The following AGL variants were observed in gnomAD, a reference collection of about 807,000 sequenced individuals.
AGL encodes amylo-alpha-1,6-glucosidase and 4-alpha-glucanotransferase, also known as glycogen debranching enzyme.
AGL carries 128 observed loss-of-function variants against 199.3 expected under a neutral mutation model. The observed-to-expected ratio is 0.64, with a 90% CI of 0.56 to 0.74. The LOEUF (loss-of-function observed/expected upper bound fraction) is 0.74. AGL is among the 30% of genes least tolerant of loss of function. AGL has a pLI of 0.00. For synonymous variants in AGL, 584 were observed against 594.7 expected, an observed-to-expected ratio of 0.98 and a Z score of 0.26; for missense variants, 1,809 against 1,820.8, an observed-to-expected ratio of 0.99 and a Z score of 0.12.
chr1:99,887,251 A>G (rs1652520658), intron 20 of AGL, among the ~76,000 whole-genome samples: 1 of 152,240 alleles, frequency 6.6e-6, no homozygotes, highest in Admixed American at 6.5e-5. Context: ...AAGCACAAGA[A>G]AATACAGTTT....
intron 24 of AGL, among the ~76,000 whole-genome samples, chr1:99,895,986 A>G (rs1161789231): frequency 6.6e-6 from 1 of 152,228 alleles, no homozygotes; most frequent in Admixed American, 6.5e-5. Flanking sequence ...AGAAAGAAGA[A>G]AAGTTTATCT....
intron 5 of AGL, among the ~76,000 whole-genome samples, chr1:99,869,464 C>T (rs1208002845): frequency 6.6e-6 from 1 of 152,168 alleles, no homozygotes. Context: ...ATTTCAGCAG[C>T]AGAGCAATGT....
chr1:99,901,595 G>T (rs1477926866), intron 26 of AGL, among the ~76,000 whole-genome samples: 1 of 152,072 alleles, frequency 6.6e-6, no homozygotes, highest in Non-Finnish European at 1.5e-5. Flanking sequence ...CCAGGTTATG[G>T]AGAGCCTTGA....
intron 13 of AGL, 56 bp from the exon 14 acceptor site, chr1:99,880,576 C>A: frequency 6.4e-7 from 1 of 1,561,054 alleles, no homozygotes; most frequent in Non-Finnish European, 8.8e-7. Flanking sequence ...AGAAATCTAA[C>A]CTCTTCCTGG....
At chr1:99,882,502 A>G (rs1652123720) in intron 17 of AGL, among the ~76,000 whole-genome samples, 1 of 152,202 alleles carries the variant, frequency 6.6e-6, no homozygotes, top group Non-Finnish European at 1.5e-5. Flanking sequence ...TCAGCCAAAT[A>G]GATATTTTTA....
chr1:99,884,326 A>G lies in AGL; in HGVS notation c.2434-13A>G. 1 of 1,612,238 alleles carries G rather than the reference A, an allele frequency of 6.2e-7. No individual in the cohort carries two copies. The highest frequency in any genetic ancestry group is 1.1e-5 in the South Asian group (1 of 91,036). On this transcript the variant is annotated splice_polypyrimidine_tract_variant and intron_variant, in intron 18 of 33. Transcript: ENST00000361915. ...TTTGTTGAATGGATTTTTTTAATGT[A>G]CTTTTTTTCAAGCTTAATGAAAGTA... is the stretch of plus-strand genomic sequence containing the variant.
rs138982211 is a variant in AGL, at chr1:99,855,867, T to C, written c.82+4743T>C. Among the ~76,000 whole-genome samples, 51 of 152,150 alleles carry C rather than the reference T, an allele frequency of 3.4e-4. No homozygotes were observed. The East Asian group carries it at 9.1e-3, about 27-fold the overall frequency. On this transcript the variant is annotated intron_variant, in intron 2 of 33. Coordinates refer to ENST00000361915, the MANE Select transcript of AGL (RefSeq NM_000642.3). ...ATCTGAAATTCTTCCATCTTTTAAGTAGGTTGATGAAATTTATAATTTTTA... is the reference window on the plus strand; with the variant it reads ...ATCTGAAATTCTTCCATCTTTTAAGCAGGTTGATGAAATTTATAATTTTTA...
chr1:99,891,266 G>C lies in AGL; in HGVS notation c.2859G>C (p.Gly953=), dbSNP rs749596632. 6.2e-7 allele frequency: 1 copy of C among 1,613,562 alleles called. No homozygotes were observed. Among genetic ancestry groups the C allele is most frequent in the Non-Finnish European group, 8.5e-7 (1 of 1,179,622 alleles). The change falls in exon 22 of 34, where the codon GGG becomes GGC. Residue 953 remains glycine, a synonymous_variant. Transcript: ENST00000361915. Reference sequence around the variant, plus strand: ...AAATAAGACCAAAGAATGACTTGGGGCATCCTTTTTGTAATAATTTGAGAT... The same window carrying C: ...AAATAAGACCAAAGAATGACTTGGGCCATCCTTTTTGTAATAATTTGAGAT... ...LAEIRPKNDL[G]HPFCNNLRSG... is the part of the protein sequence containing the mutation.
intron 25 of AGL, 144 bp from the exon 26 acceptor site, chr1:99,900,492 T>G (rs1557779715): frequency 5.3e-6 from 4 of 751,678 alleles, no homozygotes; most frequent in Non-Finnish European, 8.9e-6. Context: ...TATCATACTA[T>G]GACTACTTTC....
rs1394244632 is a variant in AGL, at chr1:99,891,359, A to G, written c.2949+3A>G. 1 of 1,613,540 alleles carries G rather than the reference A, an allele frequency of 6.2e-7. No individual in the cohort carries two copies. Among genetic ancestry groups the G allele is most frequent in the South Asian group, 1.1e-5 (1 of 91,064 alleles). On this transcript the variant is annotated splice_donor_region_variant and intron_variant, in intron 22 of 33. Coordinates refer to ENST00000361915, the MANE Select transcript of AGL (RefSeq NM_000642.3). The stretch of plus-strand genomic sequence containing the variant: ...CACGATCAGGAACTATTGCTGAAGT[A>G]AGTAGAGCTATATTATCGTCCCAAA...
chr1:99,874,499 G>A (rs891700077), intron 7 of AGL, 188 bp from the exon 8 acceptor site: 31 of 585,918 alleles, frequency 5.3e-5, no homozygotes, highest in Non-Finnish European at 7.5e-5. Context: ...GTGTGTTTGC[G>A]CGTGCACGCA....
At chr1:99,865,642 G>A (rs1487347067) in intron 5 of AGL, among the ~76,000 whole-genome samples, 5 of 152,166 alleles carry the variant, frequency 3.3e-5, no homozygotes, top group African/African-American at 1.2e-4. Context: ...ATGTTATCTT[G>A]TGTGTATGCT....
intron 25 of AGL, among the ~76,000 whole-genome samples, chr1:99,897,857 T>C (rs1419183259): frequency 6.6e-6 from 1 of 152,178 alleles, no homozygotes; most frequent in East Asian, 1.9e-4. Flanking sequence ...TAGAGTAATA[T>C]CTGCCACATG....
In AGL at chr1:99,892,602, C is replaced by G; in HGVS notation, c.3254C>G (p.Ala1085Gly). Reference sequence around the variant, plus strand: ...AAGGAGCAATGTTGTGTTTCTCTAGCTGCAGGTAAGGAATTATGTACAAGG... The same window carrying G: ...AAGGAGCAATGTTGTGTTTCTCTAGGTGCAGGTAAGGAATTATGTACAAGG... ...KEKEQCCVSL[A>G]AGLPHFSSGI... Residue 1085 changes from alanine (A) to glycine (G), a missense_variant, in exon 24 of 34, where the codon GCT becomes GGT. Coordinates refer to ENST00000361915, the MANE Select transcript of AGL (RefSeq NM_000642.3). The G allele has an allele frequency of 1.9e-5, 30 of 1,613,092 alleles. No homozygotes were observed. Among genetic ancestry groups the G allele is most frequent in the Non-Finnish European group, 2.5e-5 (30 of 1,179,386 alleles).
At chr1:99,851,214 A>G (rs1648925918) in intron 2 of AGL, 90 bp downstream of exon 2, 2 of 1,157,012 alleles carry the variant, frequency 1.7e-6, no homozygotes, top group South Asian at 1.2e-5. Flanking sequence ...AAGCTCTAAG[A>G]TAAATATTAT....
At chr1:99,851,478 G>C (rs1484789966) in intron 2 of AGL, among the ~76,000 whole-genome samples, 1 of 152,050 alleles carries the variant, frequency 6.6e-6, no homozygotes, top group Non-Finnish European at 1.5e-5. Flanking sequence ...ATTTTGCTTT[G>C]GGTATGCATG....
In AGL at chr1:99,884,609, C is replaced by T; in HGVS notation, c.2587C>T (p.Leu863Phe). The T allele has an allele frequency of 6.2e-7, 1 of 1,613,884 alleles. No homozygotes were observed. The highest frequency in any genetic ancestry group is 1.1e-5 in the South Asian group (1 of 91,068). Residue 863 changes from leucine (L) to phenylalanine (F), a missense_variant, in exon 20 of 34, where the codon CTT becomes TTT. Physicochemically the swap from Leu to Phe is conservative, Grantham distance 22 (BLOSUM62 0). Transcript: ENST00000361915. ...ACATGCACAAGTCGCTGTTGGAATT[C>T]TTCGAAATCATCTGACACAATTCAG... ...DPHAQVAVGI[L>F]RNHLTQFSPH...
In AGL at chr1:99,913,573, A is replaced by C; in HGVS notation, c.3996A>C (p.Gln1332His). The C allele has an allele frequency of 1.9e-6, 3 of 1,614,050 alleles. No homozygotes were observed. The highest frequency in any genetic ancestry group is 1.7e-6 in the Non-Finnish European group (2 of 1,179,984). The change falls in exon 30 of 34, where the codon CAA (glutamine) becomes CAC (histidine). Residue 1332 changes from glutamine to histidine, a missense_variant. Transcript: ENST00000361915. The stretch of plus-strand genomic sequence containing the variant: ...ATGATGAGTGGAACAGAAAAATACA[A>C]GACAACTTTGAAAAGCTATTTCATG... ...VSYDEWNRKIQDNFEKLFHVS... is the reference protein window; with the variant it reads ...VSYDEWNRKIHDNFEKLFHVS...
intron 29 of AGL, among the ~76,000 whole-genome samples, 163 bp from the exon 30 acceptor site, chr1:99,913,364 C>T (rs1654889572): frequency 6.6e-6 from 1 of 152,078 alleles, no homozygotes; most frequent in African/African-American, 2.4e-5. Flanking sequence ...TTATATTTTA[C>T]ATTTATAACA....
Sources: allele counts gnomAD v4.1 joint callset (sites outside exome capture counted in the v4.1 genomes callset), GRCh38; gene constraint gnomAD v4.1.1; transcripts MANE v1.5; gene names NCBI Gene and HGNC (gene_info 2026-07-23, HGNC 2026-07-21).